The following CUBN variants were observed in gnomAD, a reference collection of about 807,000 sequenced individuals.
CUBN encodes cubilin, also known as 460 kDa receptor.
A neutral mutation model predicts 405.3 loss-of-function variants in CUBN; 282 were observed. The observed-to-expected ratio is 0.70, with a 90% confidence interval of 0.63 to 0.77. The LOEUF (loss-of-function observed/expected upper bound fraction) is 0.77. CUBN is among the 30% of genes least tolerant of loss of function. CUBN has a pLI of 0.00. For synonymous variants in CUBN, 1,684 were observed against 1,617.0 expected (o/e 1.04, Z -0.99); for missense variants, 4,514 against 4,475.2 (o/e 1.01, Z -0.25).
intron 23 of CUBN, 72 bp downstream of exon 23, chr10:17,047,342 A>C: frequency 7.8e-7 from 1 of 1,280,194 alleles, no homozygotes; most frequent in South Asian, 1.3e-5. Context: ...TTTTTCCTTA[A>C]TCTTCCTAGG....
In CUBN at chr10:16,847,900, A is replaced by C. The variant is rs1839567375; in HGVS notation, c.9663+3335T>G. 2.0e-5 allele frequency among the ~76,000 whole-genome samples: 3 copies of C among 152,220 alleles called. No homozygotes were observed. The South Asian group carries it at 6.2e-4, about 32-fold the overall frequency. On this transcript the variant is annotated intron_variant, in intron 60 of 66. Coordinates refer to ENST00000377833, the MANE Select transcript of CUBN (RefSeq NM_001081.4). ...GATTTGATTATAATCTCTAAAAAAA[A>C]ATCTAAAAGGAATCAACCGTCCCAT...
intron 28 of CUBN, among the ~76,000 whole-genome samples, chr10:16,992,228 C>A (rs1002273724): frequency 4.0e-5 from 6 of 151,856 alleles, no homozygotes; most frequent in Non-Finnish European, 8.8e-5. Context: ...ACATCACACA[C>A]CAAGGTCTGT....
intron 66 of CUBN, among the ~76,000 whole-genome samples, chr10:16,827,205 A>C (rs1463638332): frequency 6.6e-6 from 1 of 152,212 alleles, no homozygotes; most frequent in Admixed American, 6.5e-5. Flanking sequence ...GGCTTCATTA[A>C]ATAAATTAGG....
intron 36 of CUBN, among the ~76,000 whole-genome samples, chr10:16,942,758 A>G (rs1842683845): frequency 6.6e-6 from 1 of 151,450 alleles, no homozygotes; most frequent in Non-Finnish European, 1.5e-5. Context: ...GCATGAACAA[A>G]CAGGAAAGGG....
chr10:16,937,084 G>A (rs1482942860), intron 39 of CUBN, among the ~76,000 whole-genome samples: 1 of 152,110 alleles, frequency 6.6e-6, no homozygotes, highest in African/African-American at 2.4e-5. Flanking sequence ...TTTCACTGAG[G>A]GGATTAGGAA....
In CUBN at chr10:17,030,470, C is replaced by T. The variant is rs562146424; in HGVS notation, c.4018-10487G>A. On this transcript the variant is annotated intron_variant, in intron 27 of 66. Coordinates refer to ENST00000377833, the MANE Select transcript of CUBN (RefSeq NM_001081.4). Reference sequence around the variant, plus strand: ...TGGTCATTATTCTAATTTAAAAATCCTAGCAGCTCTGTAATGCAGGTAGTA... The same window carrying T: ...TGGTCATTATTCTAATTTAAAAATCTTAGCAGCTCTGTAATGCAGGTAGTA... Among the ~76,000 whole-genome samples, 4 of 152,216 alleles carry T rather than the reference C, an allele frequency of 2.6e-5. No homozygotes were observed. The South Asian group carries it at 8.3e-4, about 32-fold the overall frequency.
chr10:16,849,307 T>C (rs565527294), intron 60 of CUBN, among the ~76,000 whole-genome samples: 1 of 152,314 alleles, frequency 6.6e-6, no homozygotes, highest in African/African-American at 2.4e-5. Context: ...CTGTGCCTTT[T>C]GCCTTCTCCA....
chr10:16,925,265 T>G lies in CUBN; in HGVS notation c.6622A>C (p.Ile2208Leu). ...DHSNEGQGFK[I>L]KYEAKSLACG... ...CCTAAACTCTTTGCCTCATATTTGA[T>G]TTTAAATCCTTGCCCTTCATTACTG... Residue 2208 changes from isoleucine (I) to leucine (L), a missense_variant, in exon 43 of 67, where the codon ATC becomes CTC. Around this residue, in one of 5 missense-constraint regions of CUBN, gnomAD observed 1,613 missense variants for 1,542.8 expected, o/e 1.05. Coordinates refer to ENST00000377833, the MANE Select transcript of CUBN (RefSeq NM_001081.4). 6.2e-7 allele frequency: 1 copy of G among 1,613,472 alleles called. No individual in the cohort carries two copies. Among genetic ancestry groups the G allele is most frequent in the East Asian group, 2.2e-5 (1 of 44,858 alleles).
At chr10:17,063,770 T>C (rs45566640) in intron 22 of CUBN, among the ~76,000 whole-genome samples, 2,603 of 152,300 alleles carry the variant, frequency 0.017, 45 homozygotes, top group Middle Eastern at 0.061. Context: ...CTGCCTGTAT[T>C]ATATGTTATC....
At chr10:16,900,545 T>C (rs1219094184) in intron 53 of CUBN, 80 bp downstream of exon 53, 3 of 1,100,604 alleles carry the variant, frequency 2.7e-6, no homozygotes, top group Non-Finnish European at 4.2e-6. Context: ...TGATGTAAAG[T>C]AGGTACAAAA....
At chr10:16,988,987 T>C (rs1263151818) in intron 29 of CUBN, among the ~76,000 whole-genome samples, 2 of 152,214 alleles carry the variant, frequency 1.3e-5, no homozygotes, top group African/African-American at 4.8e-5. Flanking sequence ...ATGTGCATTA[T>C]TATGGTGTGA....
At chr10:17,030,120 C>G (rs1834757640) in intron 27 of CUBN, among the ~76,000 whole-genome samples, 1 of 152,170 alleles carries the variant, frequency 6.6e-6, no homozygotes, top group Admixed American at 6.5e-5. Flanking sequence ...TTCCCATCAC[C>G]CCCCAGTGGT....
At chr10:16,994,571 G>GAGAGGAA (rs1314096334) in intron 28 of CUBN, among the ~76,000 whole-genome samples, 1 of 152,170 alleles carries the variant, frequency 6.6e-6, no homozygotes. Flanking sequence ...CACAAGTCTG[G>GAGAGGAA]AGAGGAAAGA....
intron 13 of CUBN, among the ~76,000 whole-genome samples, chr10:17,102,083 G>T (rs1836505274): frequency 6.6e-6 from 1 of 152,102 alleles, no homozygotes; most frequent in Non-Finnish European, 1.5e-5. Context: ...GTGGCTTGCA[G>T]TCAGTCAACC....
chr10:16,867,251 A>G (rs1213949283), intron 59 of CUBN, among the ~76,000 whole-genome samples: 2 of 152,198 alleles, frequency 1.3e-5, no homozygotes, highest in African/African-American at 2.4e-5. Flanking sequence ...CAGGGGAAAG[A>G]CAGAGTTGTT....
At chr10:16,869,076 G>GAC (rs1313508887) in intron 59 of CUBN, among the ~76,000 whole-genome samples, 1 of 151,306 alleles carries the variant, frequency 6.6e-6, no homozygotes, top group Non-Finnish European at 1.5e-5. Flanking sequence ...TCAAGGCTTT[G>GAC]ACACTTCCCA....
rs185576545 is a variant in CUBN at position 17,086,209 on chromosome 10, C to T, written c.1948-450G>A. ...TCAATCTCTTGACCTCATGATCTGA[C>T]CATCTCGGCCTCCCAAAGTGCTGGG... On this transcript the variant is annotated intron_variant, in intron 15 of 66. Transcript: ENST00000377833. 2.7e-3 allele frequency among the ~76,000 whole-genome samples: 417 copies of T among 152,228 alleles called. 6 individuals are homozygous for T. Among genetic ancestry groups the T allele is most frequent in the African/African-American group, 9.6e-3 (400 of 41,536 alleles).
intron 8 of CUBN, among the ~76,000 whole-genome samples, chr10:17,112,988 G>T (rs979451261): frequency 6.6e-6 from 1 of 152,124 alleles, no homozygotes; most frequent in South Asian, 2.1e-4. Flanking sequence ...AAACCAGGCC[G>T]TGTGTGGTGG....
At chr10:16,932,419 C>T (rs1269038904) in intron 40 of CUBN, among the ~76,000 whole-genome samples, 2 of 152,096 alleles carry the variant, frequency 1.3e-5, no homozygotes, top group African/African-American at 4.8e-5. Flanking sequence ...GACTGTGAAG[C>T]CCAATTTTGT....
Sources: allele counts gnomAD v4.1 joint callset (sites outside exome capture counted in the v4.1 genomes callset), GRCh38; gene constraint gnomAD v4.1.1; regional missense constraint gnomAD v4.1.1; transcripts MANE v1.5; gene names NCBI Gene and HGNC (gene_info 2026-07-23, HGNC 2026-07-21).